The following DMD variants were observed in gnomAD, a reference collection of about 807,000 sequenced individuals.
DMD encodes mutant dystrophin.
A neutral mutation model predicts 330.1 loss-of-function variants in DMD; 63 were observed. That is an observed-to-expected ratio of 0.19 (90% confidence interval 0.16 to 0.24). The LOEUF is 0.24. DMD is among the 10% of genes least tolerant of loss of function. The pLI, the probability that DMD is intolerant of heterozygous loss-of-function variation, is 1.00. For missense variants in DMD, 3,344 were observed against 2,684.1 expected (o/e 1.25, Z -5.43); for synonymous variants, 1,223 against 959.8 (o/e 1.27, Z -5.07).
intron 44 of DMD, among the ~76,000 whole-genome samples, chrX:32,067,011 T>C (rs1021649548): frequency 9.0e-6 from 1 of 111,674 alleles, no homozygotes. Context: ...ATTCAATATA[T>C]AACCCATGGA....
intron 59 of DMD, 127 bp from the exon 60 acceptor site, chrX:31,444,754 T>C (rs2081601564): frequency 2.7e-6 from 2 of 741,605 alleles, no homozygotes; most frequent in South Asian, 4.7e-5. Flanking sequence ...GTTTGAATGT[T>C]TGTGTCCCCC....
chrX:31,938,291 T>C (rs938741252), intron 45 of DMD, among the ~76,000 whole-genome samples: 3 of 111,552 alleles, frequency 2.7e-5, no homozygotes, highest in Non-Finnish European at 5.7e-5. Flanking sequence ...TAGAGATTGA[T>C]ACATCACATA....
At chrX:33,109,717 G>C (rs1397102548) in intron 1 of DMD, among the ~76,000 whole-genome samples, 3 of 111,593 alleles carry the variant, frequency 2.7e-5, no homozygotes, top group Admixed American at 1.9e-4. Context: ...AAAGATTTAC[G>C]GTTTTTTTTC....
chrX:31,824,772 T>C (rs987739005), intron 49 of DMD, among the ~76,000 whole-genome samples: 1 of 111,236 alleles, frequency 9.0e-6, no homozygotes, highest in African/African-American at 3.3e-5. Context: ...ATTTTATAAA[T>C]ATAAAATAAA....
At chrX:32,369,809 T>C (rs1037306729) in intron 34 of DMD, among the ~76,000 whole-genome samples, 5 of 111,427 alleles carry the variant, frequency 4.5e-5, no homozygotes, top group African/African-American at 1.6e-4. Flanking sequence ...CTAGAGCTTA[T>C]CTTCAATCAG....
At chrX:33,321,440 A>T (rs2148956253) in intron 1 of DMD, among the ~76,000 whole-genome samples, 1 of 111,054 alleles carries the variant, frequency 9.0e-6, no homozygotes, top group South Asian at 3.8e-4. Flanking sequence ...AAAAAAAAAT[A>T]TATTTTTCTG....
chrX:31,498,390 T>G (rs1016289802), intron 56 of DMD, among the ~76,000 whole-genome samples: 5 of 112,015 alleles, frequency 4.5e-5, no homozygotes, highest in Admixed American at 3.8e-4. Flanking sequence ...TTTAATTAAA[T>G]AGCTCTTAAT....
At chrX:33,199,436 C>T (rs2051143111) in intron 1 of DMD, among the ~76,000 whole-genome samples, 1 of 110,707 alleles carries the variant, frequency 9.0e-6, no homozygotes, top group Non-Finnish European at 1.9e-5. Flanking sequence ...TTGCACCATT[C>T]AATGATAAGA....
intron 52 of DMD, among the ~76,000 whole-genome samples, chrX:31,723,623 AAC>A (rs55718177): frequency 0.022 from 1,715 of 77,337 alleles, 21 homozygotes; most frequent in African/African-American, 0.028. Context: ...TATCCTCCAC[AAC>A]ACACACACAC....
chrX:31,741,875 T>C lies in DMD; in HGVS notation c.7543-12127A>G, dbSNP rs138781132. ...CCTTTTCCAATAGAAGGCTGTTTCG[T>C]CTATATTGAAAATGTGTTGTTTAGT... On this transcript the variant is annotated intron_variant, in intron 51 of 78. Transcript: ENST00000357033. Among the ~76,000 whole-genome samples the C allele has an allele frequency of 4.6e-3, 520 of 111,834 alleles. 2 individuals are homozygous for C. Among genetic ancestry groups the C allele is most frequent in the African/African-American group, 0.015 (475 of 30,831 alleles).
At chrX:32,584,731 A>C (rs1301762912) in intron 13 of DMD, among the ~76,000 whole-genome samples, 1 of 112,219 alleles carries the variant, frequency 8.9e-6, no homozygotes, top group Non-Finnish European at 1.9e-5. Flanking sequence ...CTGCAGCATT[A>C]TAACTCAAGA....
chrX:32,426,449 A>G (rs2098213216), intron 29 of DMD, among the ~76,000 whole-genome samples: 1 of 111,786 alleles, frequency 8.9e-6, no homozygotes, highest in South Asian at 3.7e-4. Flanking sequence ...GCACCAGTCA[A>G]AATGGCTATT....
At chrX:31,750,846 C>T (rs2088488039) in intron 51 of DMD, among the ~76,000 whole-genome samples, 1 of 100,443 alleles carries the variant, frequency 1.0e-5, no homozygotes, top group African/African-American at 3.7e-5. Context: ...TTCTTATACA[C>T]CAACGACAGA....
At chrX:32,981,727 A>C (rs1425412095) in intron 2 of DMD, among the ~76,000 whole-genome samples, 1 of 111,765 alleles carries the variant, frequency 8.9e-6, no homozygotes, top group Admixed American at 9.6e-5. Context: ...ATAGTATCCT[A>C]TAAAATTAAT....
At chrX:31,578,568 C>T (rs770256416) in intron 55 of DMD, among the ~76,000 whole-genome samples, 1 of 111,609 alleles carries the variant, frequency 9.0e-6, no homozygotes, top group Non-Finnish European at 1.9e-5. Context: ...TTGGGCACAC[C>T]CCAGGTTTAT....
rs775048731 is a variant in DMD, at chrX:31,643,605, G to T, written c.8027+14385C>A. Among the ~76,000 whole-genome samples, 4 of 111,823 alleles carry T rather than the reference G, an allele frequency of 3.6e-5. No individual in the cohort carries two copies. The South Asian group carries it at 1.5e-3, about 41-fold the overall frequency. On this transcript the variant is annotated intron_variant, in intron 54 of 78. Transcript: ENST00000357033. ...CATTTGTTTTGTTAGTGAAATATGTGCTCAAATGATATAAGAATAATATTA... is the reference window on the plus strand; with the variant it reads ...CATTTGTTTTGTTAGTGAAATATGTTCTCAAATGATATAAGAATAATATTA...
intron 44 of DMD, among the ~76,000 whole-genome samples, chrX:32,064,247 G>C (rs1379853935): frequency 9.0e-6 from 1 of 111,193 alleles, no homozygotes; most frequent in Non-Finnish European, 1.9e-5. Context: ...GAGAAATTAT[G>C]CATAAATGTG....
At chrX:32,919,275 G>C (rs1298350337) in intron 2 of DMD, among the ~76,000 whole-genome samples, 1 of 111,803 alleles carries the variant, frequency 8.9e-6, no homozygotes, top group Non-Finnish European at 1.9e-5. Flanking sequence ...AGTGTTGGTT[G>C]ATGAAAAGGC....
chrX:32,025,872 T>C (rs2095842369), intron 44 of DMD, among the ~76,000 whole-genome samples: 1 of 111,909 alleles, frequency 8.9e-6, no homozygotes, highest in Non-Finnish European at 1.9e-5. Flanking sequence ...CCAGTTTACA[T>C]GAAGAACAAG....
Sources: allele counts gnomAD v4.1 joint callset (sites outside exome capture counted in the v4.1 genomes callset), GRCh38; gene constraint gnomAD v4.1.1; transcripts MANE v1.5; gene names NCBI Gene and HGNC (gene_info 2026-07-23, HGNC 2026-07-21).